The following PDE6A variants were observed in gnomAD, a reference collection of about 807,000 sequenced individuals.
The protein encoded by PDE6A is rod cGMP-specific 3',5'-cyclic phosphodiesterase subunit alpha.
A neutral mutation model predicts 106.3 loss-of-function variants in PDE6A; 84 were observed. That is an observed-to-expected ratio of 0.79 (90% CI 0.66 to 0.95). PDE6A has a LOEUF of 0.95. Ranked by LOEUF, PDE6A falls within the 40% of genes least tolerant of loss-of-function variation. PDE6A has a pLI of 0.00. For synonymous variants in PDE6A, 394 were observed against 386.6 expected (o/e 1.02, Z -0.23); for missense variants, 1,052 against 1,084.9 (o/e 0.97, Z 0.43).
intron 21 of PDE6A, 34 bp from the exon 22 acceptor site, chr5:149,861,005 G>A (rs1012841193): frequency 1.3e-6 from 2 of 1,598,420 alleles, no homozygotes; most frequent in Non-Finnish European, 1.7e-6. Flanking sequence ...CACACCAGGT[G>A]ACAAGAGGCT....
chr5:149,932,107 C>T (rs975310535), intron 3 of PDE6A: 2 of 1,307,336 alleles, frequency 1.5e-6, no homozygotes, highest in Non-Finnish European at 1.1e-6. Flanking sequence ...TTCTCCTCGT[C>T]CGGAAGTTGT....
chr5:149,900,375 G>GTATGTATATATATATATATATATATA (rs1554089230), intron 8 of PDE6A, among the ~76,000 whole-genome samples: 2 of 82,584 alleles, frequency 2.4e-5, no homozygotes, highest in South Asian at 6.7e-4. Flanking sequence ...AAATATATAT[G>GTATGTATATATATATATATATATATA]TATATATATA....
Position 149,944,510 on chromosome 5 carries a change from A to C in PDE6A, c.164T>G (p.Met55Arg). Residue 55 changes from methionine (M) to arginine (R), a missense_variant, in exon 1 of 22, where the codon ATG (methionine) becomes AGG (arginine). This residue lies in a region of PDE6A where 913 missense variants were observed against 915.2 expected (regional missense o/e 1.00). Coordinates refer to ENST00000255266, the MANE Select transcript of PDE6A (RefSeq NM_000440.3). ...DFSNYHSPSSMEESEIIFDLL... is the reference protein window; with the variant it reads ...DFSNYHSPSSREESEIIFDLL... ...ATCAAAGATGATTTCGCTCTCCTCCATGCTGCTCGGGGAGTGGTAGTTGCT... is the reference window on the plus strand; with the variant it reads ...ATCAAAGATGATTTCGCTCTCCTCCCTGCTGCTCGGGGAGTGGTAGTTGCT... The C allele has an allele frequency of 6.2e-7, 1 of 1,614,132 alleles. No individual in the cohort carries two copies. The highest frequency in any genetic ancestry group is 8.5e-7 in the Non-Finnish European group (1 of 1,179,998).
chr5:149,933,788 C>T (rs1754109210), intron 3 of PDE6A, 142 bp downstream of exon 3: 2 of 688,886 alleles, frequency 2.9e-6, no homozygotes, highest in East Asian at 2.7e-5. Context: ...TTACAGACAA[C>T]CACTACCTCA....
intron 12 of PDE6A, 45 bp from the exon 13 acceptor site, chr5:149,895,335 G>T: frequency 7.6e-7 from 1 of 1,318,808 alleles, no homozygotes; most frequent in Non-Finnish European, 1.1e-6. Flanking sequence ...ACCTGAAATG[G>T]TCTCATGAGG....
chr5:149,899,656 G>C, intron 8 of PDE6A, 132 bp from the exon 9 acceptor site: 1 of 902,032 alleles, frequency 1.1e-6, no homozygotes, highest in South Asian at 1.3e-5. Context: ...ATTGGATTTC[G>C]CATGAGTTTA....
chr5:149,943,669 C>T (rs191854307), intron 1 of PDE6A, among the ~76,000 whole-genome samples: 47 of 149,218 alleles, frequency 3.1e-4, no homozygotes, highest in Admixed American at 3.0e-3. Context: ...CGTCATTGTA[C>T]TGTGGATAGG....
chr5:149,907,363 G>A lies in PDE6A; in HGVS notation c.1014C>T (p.Asp338=). 3 of 1,613,948 alleles carry A rather than the reference G, an allele frequency of 1.9e-6. No homozygotes were observed. The highest frequency in any genetic ancestry group is 2.5e-6 in the Non-Finnish European group (3 of 1,179,824). Residue 338 remains aspartate, a synonymous_variant, in exon 7 of 22, where the codon GAC becomes GAT. Coordinates refer to ENST00000255266, the MANE Select transcript of PDE6A (RefSeq NM_000440.3). The part of the protein sequence containing the change: ...DIKVIPNPPP[D]HWALVSGLPA... ...GGAGACCGCTTACTAAAGCCCAATG[G>A]TCAGGAGGTGGATTCCTGTGAAGGC...
intron 3 of PDE6A, chr5:149,932,185 A>T: frequency 1.6e-6 from 2 of 1,248,932 alleles, no homozygotes; most frequent in South Asian, 2.4e-5. Context: ...AGGTCATCTG[A>T]TGTTCCTTCA....
At chr5:149,921,026 C>T (rs1158363848) in intron 5 of PDE6A, among the ~76,000 whole-genome samples, 2 of 147,992 alleles carry the variant, frequency 1.4e-5, no homozygotes, top group African/African-American at 5.0e-5. Flanking sequence ...CCTACGTAGC[C>T]AAGCAAGTGT....
In PDE6A at chr5:149,903,791, G is replaced by C. The variant is rs371381751; in HGVS notation, c.1066-96C>G. The C allele has an allele frequency of 1.3e-5, 12 of 906,738 alleles. No individual in the cohort carries two copies. In the African/African-American group the frequency reaches 1.8e-4, roughly 14 times the overall value. 56.2% of individuals were successfully genotyped at this position (906,738 alleles called of 1,614,324 possible). On this transcript the variant is annotated intron_variant, in intron 7 of 21. Transcript: ENST00000255266. ...CCATTTTCAGAAACACCATGTTCTT[G>C]TCCAAGGCATTCACATTCTTTTCAT...
intron 4 of PDE6A, among the ~76,000 whole-genome samples, chr5:149,928,638 G>A (rs577807346): frequency 4.7e-4 from 71 of 152,240 alleles, no homozygotes; most frequent in African/African-American, 1.6e-3. Flanking sequence ...ATCACTAGAC[G>A]ATAGAATTTT....
At chr5:149,901,073 G>A (rs893519660) in intron 8 of PDE6A, among the ~76,000 whole-genome samples, 4 of 151,944 alleles carry the variant, frequency 2.6e-5, no homozygotes, top group Admixed American at 2.0e-4. Context: ...CCACTACCAC[G>A]CTCTGCTAAT....
intron 1 of PDE6A, among the ~76,000 whole-genome samples, chr5:149,942,052 C>T (rs1754341651): frequency 6.6e-6 from 1 of 152,128 alleles, no homozygotes; most frequent in Admixed American, 6.5e-5. Flanking sequence ...GCCTCAACCT[C>T]CTGGGCTCAA....
intron 5 of PDE6A, among the ~76,000 whole-genome samples, chr5:149,918,490 G>A (rs1013434886): frequency 2.0e-5 from 3 of 152,240 alleles, no homozygotes; most frequent in Non-Finnish European, 4.4e-5. Context: ...CTTCACAGGG[G>A]CTGACTAGGA....
rs187402411 is a variant in PDE6A at position 149,925,274 on chromosome 5, T to C, written c.859-3565A>G. On this transcript the variant is annotated intron_variant, in intron 4 of 21. Transcript: ENST00000255266. ...GACAGAGACTCAAAAATAACTGTGATTATGTCCAAGAATCAAGTACAAAAC... is the reference window on the plus strand; with the variant it reads ...GACAGAGACTCAAAAATAACTGTGACTATGTCCAAGAATCAAGTACAAAAC... Among the ~76,000 whole-genome samples, 14 of 152,240 alleles carry C rather than the reference T, an allele frequency of 9.2e-5. 1 individual carries two copies. Among genetic ancestry groups the C allele is most frequent in the African/African-American group, 3.4e-4 (14 of 41,520 alleles).
At chr5:149,901,958 G>A (rs1752994974) in intron 8 of PDE6A, among the ~76,000 whole-genome samples, 1 of 152,104 alleles carries the variant, frequency 6.6e-6, no homozygotes, top group Non-Finnish European at 1.5e-5. Context: ...AATCAGTAGT[G>A]ACAGGGCCCC....
intron 18 of PDE6A, 60 bp downstream of exon 18, chr5:149,868,035 C>T: frequency 1.3e-6 from 2 of 1,526,958 alleles, no homozygotes; most frequent in Non-Finnish European, 1.8e-6. Context: ...GTCCAAGCCT[C>T]ATGACCTGAT....
At chr5:149,890,844 T>C (rs1164679523) in intron 13 of PDE6A, among the ~76,000 whole-genome samples, 1 of 152,182 alleles carries the variant, frequency 6.6e-6, no homozygotes, top group Non-Finnish European at 1.5e-5. Flanking sequence ...TTAAAACAAA[T>C]GATTTGGCAG....
Sources: allele counts gnomAD v4.1 joint callset (sites outside exome capture counted in the v4.1 genomes callset), GRCh38; gene constraint gnomAD v4.1.1; regional missense constraint gnomAD v4.1.1; transcripts MANE v1.5; gene names NCBI Gene and HGNC (gene_info 2026-07-23, HGNC 2026-07-21).